NOVA1: variants seen among roughly 807,000 people sequenced by gnomAD.
The protein encoded by NOVA1 is RNA-binding protein Nova-1.
In NOVA1, 7 loss-of-function variants were observed where a neutral mutation model predicts 38.0. That is an observed-to-expected ratio of 0.18 (90% CI 0.10 to 0.35). The LOEUF (loss-of-function observed/expected upper bound fraction) is 0.35. Among genes scored for constraint, NOVA1 ranks in the 10% least tolerant of loss-of-function variants. NOVA1 has a pLI of 1.00. For synonymous variants in NOVA1, 270 were observed against 232.5 expected, an observed-to-expected ratio of 1.16 and a Z score of -1.47; for missense variants, 460 against 616.0, an observed-to-expected ratio of 0.75 and a Z score of 2.68.
chr14:26,517,313 G>A (rs1191433724), intron 2 of NOVA1, among the ~76,000 whole-genome samples: 1 of 152,036 alleles, frequency 6.6e-6, no homozygotes, highest in East Asian at 1.9e-4. Flanking sequence ...CTAACACCAT[G>A]ACTTATTTCC....
At chr14:26,560,314 A>C (rs1891743739) in intron 2 of NOVA1, among the ~76,000 whole-genome samples, 1 of 152,148 alleles carries the variant, frequency 6.6e-6, no homozygotes, top group Admixed American at 6.6e-5. Context: ...TAAATTTAGT[A>C]AAATGAAGCC....
At chr14:26,575,692 C>G (rs1160797911) in intron 2 of NOVA1, among the ~76,000 whole-genome samples, 1 of 151,836 alleles carries the variant, frequency 6.6e-6, no homozygotes, top group Non-Finnish European at 1.5e-5. Flanking sequence ...TCTGGCAGAA[C>G]ATTTACAGAG....
intron 2 of NOVA1, among the ~76,000 whole-genome samples, chr14:26,526,104 T>A (rs1056308172): frequency 6.6e-6 from 1 of 152,134 alleles, no homozygotes; most frequent in African/African-American, 2.4e-5. Context: ...TAATTTATAA[T>A]GTACTCAATG....
chr14:26,563,260 C>T (rs1188385712), intron 2 of NOVA1, among the ~76,000 whole-genome samples: 2 of 150,904 alleles, frequency 1.3e-5, no homozygotes, highest in Non-Finnish European at 3.0e-5. Flanking sequence ...TAAGGCAAAA[C>T]AATTAACATC....
At chr14:26,530,138 TC>T (rs1323474469) in intron 2 of NOVA1, among the ~76,000 whole-genome samples, 1 of 152,176 alleles carries the variant, frequency 6.6e-6, no homozygotes, top group African/African-American at 2.4e-5. Context: ...CAGGATGGTC[TC>T]GATCTCCTGA....
chr14:26,597,753 A>C lies in NOVA1; in HGVS notation c.-317T>G. On this transcript the variant is annotated 5_prime_UTR_variant, in exon 1 of 5. Transcript: ENST00000539517. ...CAGGGGGAGAGAGTGGAGAAGGGAG[A>C]GGGGCGAGTGAATGAGCGGGAGGAG... 2.2e-6 allele frequency: 2 copies of C among 909,832 alleles called. No homozygotes were observed. The highest frequency in any genetic ancestry group is 2.6e-6 in the Non-Finnish European group (2 of 773,250). 56.4% of individuals were successfully genotyped at this position (909,832 alleles called of 1,614,324 possible). A position where few individuals can be genotyped will look rare whatever the true frequency, so the allele number is the denominator to read the frequency against.
At position 26,491,058 on chromosome 14, in the gene NOVA1, G is replaced by C. The variant is rs766611729; in HGVS notation, c.281-10915C>G. Among the ~76,000 whole-genome samples, 2 of 151,972 alleles carry C rather than the reference G, an allele frequency of 1.3e-5. 1 individual carries two copies. Among genetic ancestry groups the C allele is most frequent in the South Asian group, 4.2e-4 (2 of 4,818 alleles). ...GTAGAGACGGGGTTTCACCGTGTTA[G>C]CCAGGATGGCCTCGATCTCCTGGCC... On this transcript the variant is annotated intron_variant, in intron 2 of 4. Transcript: ENST00000539517.
intron 3 of NOVA1, among the ~76,000 whole-genome samples, chr14:26,476,492 C>T (rs1317160370): frequency 6.6e-6 from 1 of 152,074 alleles, no homozygotes; most frequent in Non-Finnish European, 1.5e-5. Flanking sequence ...CATAAATGTC[C>T]CACTTCTGCC....
At chr14:26,563,326 T>G (rs1891939041) in intron 2 of NOVA1, among the ~76,000 whole-genome samples, 1 of 148,076 alleles carries the variant, frequency 6.8e-6, no homozygotes, top group African/African-American at 2.5e-5. Flanking sequence ...ATATGTCACA[T>G]TAAAAAAAAA....
chr14:26,511,837 T>C (rs73599991), intron 2 of NOVA1, among the ~76,000 whole-genome samples: 11,137 of 151,744 alleles, frequency 0.073, 1,228 homozygotes, highest in African/African-American at 0.24. Flanking sequence ...AGAGAGGAAA[T>C]TGAGATTTTG....
chr14:26,525,287 T>C (rs952783402), intron 2 of NOVA1, among the ~76,000 whole-genome samples: 1 of 152,172 alleles, frequency 6.6e-6, no homozygotes, highest in African/African-American at 2.4e-5. Context: ...GGCCAATTCC[T>C]ACAAGAGCTT....
intron 1 of NOVA1, chr14:26,597,028 C>G (rs540132092): frequency 2.5e-6 from 3 of 1,205,880 alleles, no homozygotes; most frequent in South Asian, 7.6e-5. Flanking sequence ...ACCTCTGGAC[C>G]GATTAAATGG....
chr14:26,453,074 T>C, intron 4 of NOVA1, among the ~76,000 whole-genome samples: 1 of 152,196 alleles, frequency 6.6e-6, no homozygotes, highest in East Asian at 1.9e-4. Flanking sequence ...CACAACCAAG[T>C]ATTTCCATAA....
chr14:26,474,046 CAGTAA>C, intron 3 of NOVA1, among the ~76,000 whole-genome samples: 1 of 152,016 alleles, frequency 6.6e-6, no homozygotes, highest in South Asian at 2.1e-4. Flanking sequence ...ATGAATTGAA[CAGTAA>C]AGGTTTTATT....
At chr14:26,462,431 T>C (rs1430088328) in intron 4 of NOVA1, among the ~76,000 whole-genome samples, 1 of 152,202 alleles carries the variant, frequency 6.6e-6, no homozygotes, top group Non-Finnish European at 1.5e-5. Flanking sequence ...TATCATGTGA[T>C]AGTGTTTCTC....
intron 2 of NOVA1, among the ~76,000 whole-genome samples, chr14:26,571,212 G>GA (rs1892450922): frequency 6.6e-6 from 1 of 151,672 alleles, no homozygotes; most frequent in African/African-American, 2.4e-5. Flanking sequence ...CTAGGACCCA[G>GA]AAAAGAGAAA....
chr14:26,528,447 TGGGTAAGGTAGA>T (rs1471476188), intron 2 of NOVA1, among the ~76,000 whole-genome samples: 1 of 152,034 alleles, frequency 6.6e-6, no homozygotes, highest in African/African-American at 2.4e-5. Context: ...CCATATAGTA[TGGGTAAGGTAGA>T]GGGTGGATTA....
In NOVA1 at chr14:26,597,919, G is replaced by A. The variant is rs183906793; in HGVS notation, c.-483C>T. On this transcript the variant is annotated 5_prime_UTR_variant, in exon 1 of 5. Transcript: ENST00000539517. ...AGGAGGTGGATGCCGAGAGAGGAGC[G>A]AGCGGCAGAGGAGGGCAGGAGCCGG... is the stretch of plus-strand genomic sequence containing the variant. 2.9e-4 allele frequency among the ~76,000 whole-genome samples: 44 copies of A among 151,340 alleles called. No homozygotes were observed. The highest frequency in any genetic ancestry group is 1.0e-3 in the African/African-American group (43 of 41,252).
At chr14:26,551,007 A>T (rs1891129910) in intron 2 of NOVA1, among the ~76,000 whole-genome samples, 2 of 152,188 alleles carry the variant, frequency 1.3e-5, no homozygotes, top group South Asian at 4.1e-4. Flanking sequence ...AGAGATTCCC[A>T]ATCTAGAGTC....
Sources: gnomAD v4.1 joint callset for allele counts (sites outside exome capture counted in the v4.1 genomes callset) on GRCh38, gnomAD v4.1.1 for gene constraint, MANE v1.5 for transcripts, NCBI Gene and HGNC (gene_info 2026-07-23, HGNC 2026-07-21) for gene names.